VTI1A: variants seen among roughly 807,000 people sequenced by gnomAD.
VTI1A encodes the protein vesicle transport through interaction with t-SNAREs homolog 1A.
In VTI1A, 22 loss-of-function variants were observed where a neutral mutation model predicts 34.9. That is an observed-to-expected ratio of 0.63 (90% CI 0.45 to 0.90). VTI1A has a LOEUF of 0.90. Ranked by LOEUF, VTI1A falls within the 40% of genes least tolerant of loss-of-function variation. The pLI, the probability that VTI1A is intolerant of heterozygous loss-of-function variation, is 0.00. For missense variants in VTI1A, 268 were observed against 275.6 expected (o/e 0.97, Z 0.20); for synonymous variants, 87 against 97.3 (o/e 0.89, Z 0.62).
intron 5 of VTI1A, among the ~76,000 whole-genome samples, chr10:112,664,379 T>A (rs1385571875): frequency 6.6e-6 from 1 of 152,112 alleles, no homozygotes; most frequent in Non-Finnish European, 1.5e-5. Flanking sequence ...GAAATACAGG[T>A]CTTATAAATT....
At chr10:112,661,459 A>G (rs1847446284) in intron 5 of VTI1A, among the ~76,000 whole-genome samples, 1 of 152,076 alleles carries the variant, frequency 6.6e-6, no homozygotes, top group Admixed American at 6.6e-5. Context: ...GATGTTCATC[A>G]TTCTTTCTTG....
chr10:112,688,144 G>T (rs979566967), intron 7 of VTI1A, among the ~76,000 whole-genome samples: 1 of 151,534 alleles, frequency 6.6e-6, no homozygotes, highest in South Asian at 2.1e-4. Context: ...AGTAGAGACA[G>T]GGTTTCACCT....
rs186266496 is a variant in VTI1A at position 112,525,737 on chromosome 10, G to A, written c.265-1350G>A. 5.3e-3 allele frequency among the ~76,000 whole-genome samples: 724 copies of A among 137,132 alleles called. 2 individuals carry two copies. Among genetic ancestry groups the A allele is most frequent in the Non-Finnish European group, 8.2e-3 (520 of 63,598 alleles). The allele number at this position is 137,132 out of a possible 152,430, so 90.0% of individuals were successfully genotyped here. On this transcript the variant is annotated intron_variant, in intron 3 of 7. Transcript: ENST00000393077. ...ATAATTTTCTGTGTTTTGTGGTTAAGATAATTGGGAAAAGTTGTAACTTCA... is the reference window on the plus strand; with the variant it reads ...ATAATTTTCTGTGTTTTGTGGTTAAAATAATTGGGAAAAGTTGTAACTTCA...
intron 7 of VTI1A, among the ~76,000 whole-genome samples, chr10:112,755,033 G>A (rs1000549310): frequency 5.9e-5 from 9 of 152,142 alleles, no homozygotes; most frequent in Non-Finnish European, 1.0e-4. Flanking sequence ...AAGGTAGGCA[G>A]GAGTTGAGGC....
intron 7 of VTI1A, among the ~76,000 whole-genome samples, chr10:112,723,265 A>G (rs1450847584): frequency 6.6e-6 from 1 of 152,220 alleles, no homozygotes; most frequent in African/African-American, 2.4e-5. Context: ...AGGAACCTAT[A>G]GAAAAAGTGC....
intron 5 of VTI1A, among the ~76,000 whole-genome samples, chr10:112,605,137 A>G (rs999886081): frequency 2.6e-5 from 4 of 152,148 alleles, no homozygotes; most frequent in African/African-American, 9.6e-5. Context: ...ATCTTCCCCC[A>G]CACTCGGCTC....
chr10:112,643,276 G>A (rs2133783699), intron 5 of VTI1A, among the ~76,000 whole-genome samples: 1 of 151,078 alleles, frequency 6.6e-6, no homozygotes, highest in East Asian at 2.0e-4. Context: ...TGGGATTACA[G>A]GTGTGAGCCA....
intron 7 of VTI1A, among the ~76,000 whole-genome samples, chr10:112,755,076 G>A (rs578014358): frequency 9.9e-5 from 15 of 152,074 alleles, no homozygotes; most frequent in Admixed American, 7.9e-4. Flanking sequence ...CCAACAGGGC[G>A]AAACCCTGTC....
chr10:112,810,334 G>A (rs1450613553), intron 7 of VTI1A, among the ~76,000 whole-genome samples: 1 of 151,288 alleles, frequency 6.6e-6, no homozygotes, highest in African/African-American at 2.4e-5. Context: ...ACCTGGGAGG[G>A]GGAGGTTGTA....
intron 5 of VTI1A, among the ~76,000 whole-genome samples, chr10:112,591,321 C>A (rs1358846573): frequency 6.6e-6 from 1 of 152,106 alleles, no homozygotes; most frequent in Non-Finnish European, 1.5e-5. Flanking sequence ...GAGATCAAGA[C>A]CATCTTGGCT....
chr10:112,500,650 A>G, intron 3 of VTI1A, among the ~76,000 whole-genome samples: 1 of 151,992 alleles, frequency 6.6e-6, no homozygotes, highest in Non-Finnish European at 1.5e-5. Flanking sequence ...CACTTTTATT[A>G]TTGGCCTCCC....
intron 5 of VTI1A, among the ~76,000 whole-genome samples, chr10:112,590,095 T>TA (rs1844330986): frequency 6.6e-6 from 1 of 152,222 alleles, no homozygotes. Context: ...GAACATGGTT[T>TA]ACTCTTCTAC....
At chr10:112,638,325 A>C (rs906266502) in intron 5 of VTI1A, among the ~76,000 whole-genome samples, 1 of 152,250 alleles carries the variant, frequency 6.6e-6, no homozygotes, top group Non-Finnish European at 1.5e-5. Context: ...GAATGAAAAA[A>C]TAATGCTGGA....
At chr10:112,601,746 G>A (rs1844888114) in intron 5 of VTI1A, among the ~76,000 whole-genome samples, 1 of 152,162 alleles carries the variant, frequency 6.6e-6, no homozygotes, top group African/African-American at 2.4e-5. Context: ...GGGGATGGGG[G>A]ATGCCATGTG....
chr10:112,674,910 T>C (rs966244616), intron 7 of VTI1A, among the ~76,000 whole-genome samples: 1 of 152,218 alleles, frequency 6.6e-6, no homozygotes. Context: ...GAACAAACAG[T>C]TGAGTTTTTG....
At chr10:112,838,234 G>T in the VTI1A span, among the ~76,000 whole-genome samples, 1 of 152,206 alleles carries the variant, frequency 6.6e-6, no homozygotes, top group East Asian at 1.9e-4. Context: ...GCCCCAGGTG[G>T]CTGGGGCCAA....
intron 3 of VTI1A, among the ~76,000 whole-genome samples, chr10:112,511,576 A>G (rs2134180793): frequency 6.6e-6 from 1 of 152,168 alleles, no homozygotes; most frequent in Admixed American, 6.5e-5. Flanking sequence ...TATAATGCAT[A>G]GTGTTCAATT....
intron 4 of VTI1A, among the ~76,000 whole-genome samples, chr10:112,536,016 T>C (rs1026471786): frequency 6.6e-6 from 1 of 152,212 alleles, no homozygotes; most frequent in Admixed American, 6.5e-5. Context: ...TTCAGTAATA[T>C]ACATATTTTT....
intron 4 of VTI1A, chr10:112,533,392 G>GTT (rs1850513252): frequency 4.1e-6 from 2 of 483,860 alleles, no homozygotes; most frequent in Admixed American, 1.3e-4. Flanking sequence ...CTTTTAATGT[G>GTT]TTTGTCTGTG....
Sources: allele counts gnomAD v4.1 joint callset (sites outside exome capture counted in the v4.1 genomes callset), GRCh38; gene constraint gnomAD v4.1.1; transcripts MANE v1.5; gene names NCBI Gene and HGNC (gene_info 2026-07-23, HGNC 2026-07-21).